TAF4B: variants seen among roughly 807,000 people sequenced by gnomAD.
The protein encoded by TAF4B is TATA-box binding protein associated factor 4b.
A neutral mutation model predicts 86.4 loss-of-function variants in TAF4B; 38 were observed. The observed-to-expected ratio is 0.44, with a 90% CI of 0.34 to 0.58. The LOEUF (loss-of-function observed/expected upper bound fraction) is 0.58, where lower values mean the gene tolerates loss of function less well. TAF4B is among the 20% of genes least tolerant of loss of function. The pLI is 0.02. For missense variants in TAF4B, 988 were observed against 1,027.6 expected, an observed-to-expected ratio of 0.96 and a Z score of 0.53; for synonymous variants, 388 against 391.2, an observed-to-expected ratio of 0.99 and a Z score of 0.10.
intron 1 of TAF4B, among the ~76,000 whole-genome samples, chr18:26,233,969 G>A (rs528925701): frequency 2.0e-5 from 3 of 152,338 alleles, no homozygotes; most frequent in Admixed American, 2.0e-4. Context: ...TGTAAATAGG[G>A]ATATGGCCAT....
chr18:26,244,670 G>A (rs1300652189), intron 1 of TAF4B, among the ~76,000 whole-genome samples: 2 of 152,194 alleles, frequency 1.3e-5, no homozygotes, highest in Non-Finnish European at 2.9e-5. Flanking sequence ...GGGAGCTGTA[G>A]ACTGGAGCTG....
chr18:26,252,803 ATTAT>A, intron 1 of TAF4B, among the ~76,000 whole-genome samples: 1 of 149,718 alleles, frequency 6.7e-6, no homozygotes, highest in African/African-American at 2.4e-5. Flanking sequence ...ATTTTTATTT[ATTAT>A]TTTATTAGTT....
chr18:26,251,415 G>A (rs577123132), intron 1 of TAF4B, among the ~76,000 whole-genome samples: 1 of 152,214 alleles, frequency 6.6e-6, no homozygotes, highest in South Asian at 2.1e-4. Context: ...TGTGAATGTG[G>A]AGAAGTCAGA....
At chr18:26,361,947 C>T (rs1227161698) in intron 14 of TAF4B, among the ~76,000 whole-genome samples, 1 of 151,862 alleles carries the variant, frequency 6.6e-6, no homozygotes, top group East Asian at 1.9e-4. Context: ...TATAAATATG[C>T]TTTGTTAGCA....
intron 14 of TAF4B, among the ~76,000 whole-genome samples, chr18:26,374,956 T>G (rs1324545204): frequency 6.6e-6 from 1 of 152,190 alleles, no homozygotes; most frequent in Non-Finnish European, 1.5e-5. Flanking sequence ...TTCACTTTTG[T>G]AAAGTGTCCA....
At chr18:26,340,669 G>T (rs992311404) in intron 13 of TAF4B, among the ~76,000 whole-genome samples, 3 of 152,044 alleles carry the variant, frequency 2.0e-5, no homozygotes, top group Admixed American at 6.5e-5. Flanking sequence ...TTGAAAATGG[G>T]ATTTCCAATA....
At chr18:26,348,416 A>G (rs1279075103) in intron 13 of TAF4B, 1 of 152,908 alleles carries the variant, frequency 6.5e-6, no homozygotes, top group African/African-American at 2.4e-5. Flanking sequence ...TGGTTATCTC[A>G]TATCTTTGAA....
At chr18:26,297,298 T>G (rs539099238) in intron 9 of TAF4B, among the ~76,000 whole-genome samples, 79 of 152,250 alleles carry the variant, frequency 5.2e-4, no homozygotes, top group African/African-American at 1.9e-3. Context: ...TGAAATCCTC[T>G]TCGAGAAAAT....
intron 13 of TAF4B, among the ~76,000 whole-genome samples, chr18:26,352,045 A>G (rs1230336512): frequency 2.6e-5 from 4 of 152,170 alleles, no homozygotes; most frequent in Admixed American, 2.0e-4. Context: ...TAGAGTTACT[A>G]CAAAATGCAG....
chr18:26,273,034 C>G (rs960620067), intron 3 of TAF4B, among the ~76,000 whole-genome samples: 5 of 152,074 alleles, frequency 3.3e-5, no homozygotes, highest in Non-Finnish European at 7.4e-5. Context: ...CTTTAGTTTA[C>G]TTTTCTTTTA....
chr18:26,315,161 T>TCTCTCTCTCTCTCTCTCTCACACACA (rs1282068871), intron 9 of TAF4B, 68 bp from the exon 10 acceptor site: 2 of 210,592 alleles, frequency 9.5e-6, no homozygotes, highest in Non-Finnish European at 7.2e-6. Context: ...TCTCTCTCTC[T>TCTCTCTCTCTCTCTCTCTCACACACA]CACACACACA....
At chr18:26,278,223 C>A (rs1568123015) in intron 5 of TAF4B, among the ~76,000 whole-genome samples, 2 of 152,164 alleles carry the variant, frequency 1.3e-5, no homozygotes, top group Admixed American at 1.3e-4. Context: ...AAAGAGGTAT[C>A]TACTGAAGAG....
intron 10 of TAF4B, among the ~76,000 whole-genome samples, chr18:26,315,635 G>A (rs1332874501): frequency 6.6e-6 from 1 of 151,962 alleles, no homozygotes; most frequent in African/African-American, 2.4e-5. Flanking sequence ...GAGGAATAGT[G>A]GAATATATTT....
intron 9 of TAF4B, among the ~76,000 whole-genome samples, chr18:26,314,149 A>G (rs779760700): frequency 1.3e-5 from 2 of 152,154 alleles, no homozygotes; most frequent in African/African-American, 2.4e-5. Flanking sequence ...TGTAATTTAA[A>G]TCCTATTGAC....
At chr18:26,373,282 C>A (rs2057419181) in intron 14 of TAF4B, among the ~76,000 whole-genome samples, 1 of 152,136 alleles carries the variant, frequency 6.6e-6, no homozygotes, top group South Asian at 2.1e-4. Flanking sequence ...TTGCCCTCTT[C>A]TCTTAGTTTT....
chr18:26,230,705 T>C (rs2055651649), intron 1 of TAF4B, among the ~76,000 whole-genome samples: 1 of 152,152 alleles, frequency 6.6e-6, no homozygotes, highest in African/African-American at 2.4e-5. Context: ...ACTCCCACAC[T>C]TTGTTTTCTT....
At chr18:26,297,209 A>G (rs1288993499) in intron 9 of TAF4B, among the ~76,000 whole-genome samples, 1 of 152,114 alleles carries the variant, frequency 6.6e-6, no homozygotes, top group Non-Finnish European at 1.5e-5. Context: ...TGCAGTTCAA[A>G]GCATACACAC....
At chr18:26,379,999 A>G (rs73946388) in intron 14 of TAF4B, among the ~76,000 whole-genome samples, 4,164 of 152,188 alleles carry the variant, frequency 0.027, 178 homozygotes, top group African/African-American at 0.095. Flanking sequence ...TTTGACATAG[A>G]TCTTGTATCC....
chr18:26,251,983 C>G (rs2056012847), intron 1 of TAF4B, among the ~76,000 whole-genome samples: 1 of 152,142 alleles, frequency 6.6e-6, no homozygotes, highest in Non-Finnish European at 1.5e-5. Context: ...TTGTGGACCT[C>G]TTGGCATTAA....
Sources: allele counts gnomAD v4.1 joint callset (sites outside exome capture counted in the v4.1 genomes callset), GRCh38; gene constraint gnomAD v4.1.1; transcripts MANE v1.5; gene names NCBI Gene and HGNC (gene_info 2026-07-23, HGNC 2026-07-21).